BTRC: variants seen among roughly 807,000 people sequenced by gnomAD.
BTRC encodes beta-transducin repeat containing E3 ubiquitin protein ligase, also known as F-box/WD repeat-containing protein 1A.
In BTRC, 42 loss-of-function variants were observed where a neutral mutation model predicts 85.5. The ratio of observed to expected loss-of-function variants is 0.49; its 90% CI spans 0.38 to 0.64. The LOEUF (loss-of-function observed/expected upper bound fraction) is 0.64, where lower values mean the gene tolerates loss of function less well. BTRC is among the 30% of genes least tolerant of loss of function. The pLI is 0.00. For missense variants in BTRC, 594 were observed against 743.5 expected, an observed-to-expected ratio of 0.80 and a Z score of 2.34; for synonymous variants, 255 against 263.3, an observed-to-expected ratio of 0.97 and a Z score of 0.30.
rs1487471524 is a variant in BTRC at position 101,459,378 on chromosome 10, A to G, written c.157-2603A>G. Among the ~76,000 whole-genome samples the G allele has an allele frequency of 2.0e-5, 3 of 152,174 alleles. No individual in the cohort carries two copies. The East Asian group carries it at 5.8e-4, about 29-fold the overall frequency. ...TCAAGACTGTAGACCTAGTAATCTC[A>G]TTCACTGGCATTCTGCTTCTACTCT... is the stretch of plus-strand genomic sequence containing the variant. On this transcript the variant is annotated intron_variant, in intron 2 of 14. Transcript: ENST00000370187.
At chr10:101,370,217 G>A (rs919002322) in intron 1 of BTRC, among the ~76,000 whole-genome samples, 2 of 152,098 alleles carry the variant, frequency 1.3e-5, no homozygotes, top group African/African-American at 4.8e-5. Context: ...AACCTCCTGG[G>A]CTCAGGTGAT....
chr10:101,521,657 A>G lies in BTRC; in HGVS notation c.343A>G (p.Thr115Ala). ...CVAKTKLANG[T>A]SSMIVPKQRK... Reference sequence around the variant, plus strand: ...TCTACAGACAAAACTTGCCAATGGCACTTCCAGTATGATTGTGCCCAAGCA... The same window carrying G: ...TCTACAGACAAAACTTGCCAATGGCGCTTCCAGTATGATTGTGCCCAAGCA... The change falls in exon 5 of 15, where the codon ACT becomes GCT. Residue 115 changes from threonine to alanine, a missense_variant. Coordinates refer to ENST00000370187, the MANE Select transcript of BTRC (RefSeq NM_033637.4). 2.5e-6 allele frequency: 4 copies of G among 1,613,954 alleles called. No homozygotes were observed. The highest frequency in any genetic ancestry group is 3.4e-6 in the Non-Finnish European group (4 of 1,179,968).
At chr10:101,434,209 A>G (rs932266579) in intron 2 of BTRC, among the ~76,000 whole-genome samples, 22 of 152,300 alleles carry the variant, frequency 1.4e-4, no homozygotes, top group African/African-American at 4.8e-4. Flanking sequence ...TGGCATAGGT[A>G]TATAGTTTGA....
At chr10:101,523,418 G>A (rs2062148565) in intron 5 of BTRC, among the ~76,000 whole-genome samples, 3 of 151,992 alleles carry the variant, frequency 2.0e-5, no homozygotes, top group Admixed American at 2.0e-4. Flanking sequence ...TCAGTATTTG[G>A]GGGGAATGCT....
intron 1 of BTRC, among the ~76,000 whole-genome samples, chr10:101,367,319 C>T (rs1942495596): frequency 1.3e-5 from 2 of 151,402 alleles, no homozygotes; most frequent in Non-Finnish European, 1.5e-5. Context: ...CTGCCTGCCT[C>T]GGCCTCCCAA....
At chr10:101,549,569 C>G (rs2062614138) in intron 13 of BTRC, among the ~76,000 whole-genome samples, 1 of 151,414 alleles carries the variant, frequency 6.6e-6, no homozygotes, top group African/African-American at 2.4e-5. Context: ...AAAAAATTAG[C>G]CAGGTGTGGT....
intron 2 of BTRC, among the ~76,000 whole-genome samples, chr10:101,455,550 G>C (rs545946445): frequency 2.0e-5 from 3 of 152,254 alleles, no homozygotes; most frequent in South Asian, 2.1e-4. Context: ...GGGGATAAAG[G>C]CTTCTCAGAG....
chr10:101,494,059 T>C (rs1946201450), intron 4 of BTRC, among the ~76,000 whole-genome samples: 1 of 152,188 alleles, frequency 6.6e-6, no homozygotes, highest in Non-Finnish European at 1.5e-5. Context: ...GAAAATACTG[T>C]CTTAGGAAAA....
At chr10:101,381,580 G>A (rs1028649604) in intron 1 of BTRC, among the ~76,000 whole-genome samples, 8 of 152,136 alleles carry the variant, frequency 5.3e-5, no homozygotes, top group Admixed American at 5.2e-4. Flanking sequence ...TAGTTTTTTG[G>A]TGGGTGAGGG....
chr10:101,544,298 T>C (rs1280393039), intron 13 of BTRC, among the ~76,000 whole-genome samples: 1 of 152,206 alleles, frequency 6.6e-6, no homozygotes, highest in Non-Finnish European at 1.5e-5. Flanking sequence ...TTGTATAAAT[T>C]CTATTTCCAT....
At chr10:101,539,049 T>TAA (rs34996474) in intron 13 of BTRC, among the ~76,000 whole-genome samples, 35 of 141,246 alleles carry the variant, frequency 2.5e-4, no homozygotes, top group African/African-American at 6.4e-4. Context: ...AACTCTGTCT[T>TAA]AAAAAAAAAA....
chr10:101,485,636 TTTTTTG>T (rs1023312724), intron 4 of BTRC, among the ~76,000 whole-genome samples: 5 of 152,222 alleles, frequency 3.3e-5, no homozygotes, highest in African/African-American at 9.7e-5. Flanking sequence ...ATGAACCGTT[TTTTTTG>T]TTTTTGTTTT....
chr10:101,443,123 C>G (rs966783539), intron 2 of BTRC, among the ~76,000 whole-genome samples: 23 of 152,160 alleles, frequency 1.5e-4, no homozygotes, highest in Non-Finnish European at 3.1e-4. Context: ...ACCTCGTGAT[C>G]CGCCTGCCTC....
At chr10:101,399,727 T>G (rs893326709) in intron 1 of BTRC, among the ~76,000 whole-genome samples, 4 of 152,224 alleles carry the variant, frequency 2.6e-5, no homozygotes, top group African/African-American at 9.6e-5. Flanking sequence ...TTTAGATTGG[T>G]GTCTAAAGTA....
chr10:101,413,439 G>A (rs914481665), intron 1 of BTRC, among the ~76,000 whole-genome samples: 5 of 152,230 alleles, frequency 3.3e-5, no homozygotes, highest in Middle Eastern at 3.4e-3. Context: ...TCAGCCTCCC[G>A]AGTAGCTGGG....
chr10:101,399,344 T>A (rs1554869485), intron 1 of BTRC, among the ~76,000 whole-genome samples: 1 of 91,112 alleles, frequency 1.1e-5, no homozygotes, highest in Non-Finnish European at 2.3e-5. Context: ...TTTTTTTTTT[T>A]AGAATTTTTA....
At chr10:101,417,215 G>A (rs190684542) in intron 1 of BTRC, among the ~76,000 whole-genome samples, 72 of 152,212 alleles carry the variant, frequency 4.7e-4, no homozygotes, top group Non-Finnish European at 8.2e-4. Flanking sequence ...CTCAGTCAAT[G>A]TCCTTTATAT....
At chr10:101,499,505 G>C (rs1277727498) in intron 4 of BTRC, among the ~76,000 whole-genome samples, 2 of 151,960 alleles carry the variant, frequency 1.3e-5, no homozygotes, top group African/African-American at 4.8e-5. Context: ...TAGGATTACA[G>C]GTATGAGCCA....
chr10:101,387,165 CT>C (rs1003316459), intron 1 of BTRC, among the ~76,000 whole-genome samples: 10 of 151,458 alleles, frequency 6.6e-5, no homozygotes, highest in African/African-American at 2.2e-4. Flanking sequence ...ATTCATATAG[CT>C]TTTTTTTGGG....
Sources: allele counts gnomAD v4.1 joint callset (sites outside exome capture counted in the v4.1 genomes callset), GRCh38; gene constraint gnomAD v4.1.1; transcripts MANE v1.5; gene names NCBI Gene and HGNC (gene_info 2026-07-23, HGNC 2026-07-21).